The following NUP98 variants were observed in gnomAD, a reference collection of about 807,000 sequenced individuals.
NUP98 encodes nucleoporin 98 and 96 precursor, also known as nuclear pore complex protein Nup98-Nup96.
Under a neutral mutation model 191.9 loss-of-function variants are expected in NUP98, and 26 were observed. That is an observed-to-expected ratio of 0.14 (90% CI 0.10 to 0.19). The LOEUF is 0.19. Ranked by LOEUF, NUP98 falls within the 10% of genes least tolerant of loss-of-function variation. The pLI is 1.00. For synonymous variants in NUP98, 808 were observed against 778.4 expected (o/e 1.04, Z -0.63); for missense variants, 1,941 against 2,178.8 (o/e 0.89, Z 2.17).
Position 3,779,181 on chromosome 11 carries a change from G to A in NUP98, c.153C>T (p.Leu51=), listed in dbSNP as rs759119768. Residue 51 remains leucine, a synonymous_variant, in exon 3 of 33, where the codon CTC becomes CTT. Transcript: ENST00000324932. ...CTGGTTTAGTCTGTGAATTTCCAAA[G>A]AGGCCTCCAGTATTGTTGCTAGAAC... The part of the protein sequence containing the change: ...AFGSSNNTGG[L]FGNSQTKPGG... 4 of 1,614,034 alleles carry A rather than the reference G, an allele frequency of 2.5e-6. No individual in the cohort carries two copies. The Admixed American group carries it at 5.0e-5, about 20-fold the overall frequency.
chr11:3,755,513 A>G (rs1161708978), intron 10 of NUP98, among the ~76,000 whole-genome samples: 1 of 152,112 alleles, frequency 6.6e-6, no homozygotes, highest in Non-Finnish European at 1.5e-5. Flanking sequence ...AAAAGATAAC[A>G]AACAGAATAA....
rs756674148 is a variant in NUP98 at position 3,723,295 on chromosome 11, TATC to T, written c.2005_2007del (p.Asp669del). On this transcript the variant is annotated inframe_deletion, in exon 16 of 33. Coordinates refer to ENST00000324932, the MANE Select transcript of NUP98 (RefSeq NM_016320.5). ...GCACGCATGTTTAATGCAACAATGG[TATC>T]ATCCACACTGTTGCTGTTGCTGTGT... 1 of 1,614,174 alleles carries T rather than the reference TATC, an allele frequency of 6.2e-7. No homozygotes were observed. The highest frequency in any genetic ancestry group is 1.1e-5 in the South Asian group (1 of 91,074).
At chr11:3,698,946 C>T (rs2078595910) in intron 25 of NUP98, 136 bp downstream of exon 25, 1 of 935,400 alleles carries the variant, frequency 1.1e-6, no homozygotes, top group Admixed American at 2.3e-5. Context: ...CGGGAACCAG[C>T]AATCTTTCTG....
chr11:3,687,959 G>A (rs2078179082), intron 28 of NUP98, among the ~76,000 whole-genome samples: 1 of 152,164 alleles, frequency 6.6e-6, no homozygotes, highest in Non-Finnish European at 1.5e-5. Context: ...ACATGACAAA[G>A]TGCTCAACAT....
chr11:3,719,522 A>G lies in NUP98; in HGVS notation c.2289T>C (p.Asp763=). ...CCAAATTTAGATTTGTCAAATTCAC[A>G]TCTCCTTCAAAATAGATTGAACCAT... The part of the protein sequence containing the change: ...KGYGSIYFEG[D]VNLTNLNLDD... The change falls in exon 18 of 33, where the codon GAT becomes GAC. Residue 763 remains aspartate, a synonymous_variant. Transcript: ENST00000324932. 6.3e-7 allele frequency: 1 copy of G among 1,590,466 alleles called. No homozygotes were observed. Among genetic ancestry groups the G allele is most frequent in the Admixed American group, 1.8e-5 (1 of 54,360 alleles).
In NUP98 at chr11:3,712,609, C is replaced by T. The variant is rs201225431; in HGVS notation, c.2697G>A (p.Thr899=). The part of the protein sequence containing the change: ...TAPLPPASQT[T]PLQMALNGKP... Reference sequence around the variant, plus strand: ...TGCCATTAAGAGCCATCTGCAAGGGCGTAGTCTGGCTTGCAGGAGGCAAAG... The same window carrying T: ...TGCCATTAAGAGCCATCTGCAAGGGTGTAGTCTGGCTTGCAGGAGGCAAAG... The change falls in exon 20 of 33, where the codon ACG becomes ACA. Residue 899 remains threonine (T), a synonymous_variant. Transcript: ENST00000324932. The T allele has an allele frequency of 9.0e-5, 145 of 1,614,050 alleles. 2 individuals are homozygous for T. In the East Asian group the frequency reaches 1.5e-3, roughly 17 times the overall value.
At chr11:3,766,430 C>A (rs2081342009) in intron 8 of NUP98, among the ~76,000 whole-genome samples, 1 of 151,962 alleles carries the variant, frequency 6.6e-6, no homozygotes, top group South Asian at 2.1e-4. Context: ...TGGCTCATGC[C>A]TGTAAACCCA....
At chr11:3,778,733 A>G (rs745927402) in intron 4 of NUP98, 140 bp downstream of exon 4, 17 of 764,368 alleles carry the variant, frequency 2.2e-5, no homozygotes, top group Non-Finnish European at 3.7e-5. Context: ...TTCAGTACAT[A>G]TTGAAGTTTT....
chr11:3,719,159 A>C (rs1003035141), intron 18 of NUP98, among the ~76,000 whole-genome samples: 1 of 152,074 alleles, frequency 6.6e-6, no homozygotes, highest in African/African-American at 2.4e-5. Flanking sequence ...AAATGAAATG[A>C]AATAAAATAG....
Position 3,779,231 on chromosome 11 carries a change from C to G in NUP98, c.103G>C (p.Gly35Arg), listed in dbSNP as rs1278445831. The G allele has an allele frequency of 1.9e-6, 3 of 1,614,004 alleles. No individual in the cohort carries two copies. Among genetic ancestry groups the G allele is most frequent in the Non-Finnish European group, 2.5e-6 (3 of 1,180,002 alleles). ...CCAAATGCAGATGTTCCAAATGCCCCTCCACTAGTAGTGCCAAAGCCAGTA... is the reference window on the plus strand; with the variant it reads ...CCAAATGCAGATGTTCCAAATGCCCGTCCACTAGTAGTGCCAAAGCCAGTA... The part of the protein sequence containing the change: ...QNTGFGTTSG[G>R]AFGTSAFGSS... The change falls in exon 3 of 33, where the codon GGG becomes CGG. Residue 35 changes from glycine (G) to arginine (R), a missense_variant. Gly to Arg is a moderately radical substitution (Grantham distance 125). Transcript: ENST00000324932.
At chr11:3,771,663 G>T in intron 7 of NUP98, 85 bp downstream of exon 7, 1 of 1,179,302 alleles carries the variant, frequency 8.5e-7, no homozygotes, top group Non-Finnish European at 1.2e-6. Flanking sequence ...TTTCTCCATA[G>T]CACTTATCCC....
chr11:3,786,265 C>T (rs2082137646), intron 1 of NUP98, among the ~76,000 whole-genome samples: 2 of 152,154 alleles, frequency 1.3e-5, no homozygotes, highest in South Asian at 2.1e-4. Context: ...ACAAAACCAA[C>T]AATTGGTACT....
At chr11:3,702,353 TCTCTCTCTCTCTCTCTAG>T (rs2078729868) in intron 23 of NUP98, 92 bp downstream of exon 23, 1 of 652,362 alleles carries the variant, frequency 1.5e-6, no homozygotes, top group African/African-American at 2.4e-5. Flanking sequence ...TCTCTCTCTC[TCTCTCTCTCTCTCTCTAG>T]AAAGATGACA....
In NUP98 at chr11:3,768,758, GAAAAA is replaced by G; in HGVS notation, c.785-19_785-15del. 7.5e-6 allele frequency: 6 copies of G among 800,494 alleles called. No individual in the cohort carries two copies. The highest frequency in any genetic ancestry group is 9.3e-6 in the Non-Finnish European group (6 of 645,986). The allele number at this position is 800,494 out of a possible 1,614,324, so 49.6% of individuals were successfully genotyped here. Reference sequence around the variant, plus strand: ...ATCCAGTTGTACCTTTTAGGAAAAAGAAAAAAAAAAGAAAAAAGAAATAATAAAAA... The same window carrying G: ...ATCCAGTTGTACCTTTTAGGAAAAAGAAAAAGAAAAAAGAAATAATAAAAA... On this transcript the variant is annotated splice_polypyrimidine_tract_variant and intron_variant, in intron 7 of 32. Transcript: ENST00000324932.
chr11:3,713,666 C>T (rs375996010), intron 19 of NUP98, 152 bp downstream of exon 19: 34 of 712,736 alleles, frequency 4.8e-5, no homozygotes, highest in South Asian at 4.0e-4. Context: ...CTGCAGGGAG[C>T]TATGATCCCA....
intron 1 of NUP98, 107 bp from the exon 2 acceptor site, chr11:3,782,252 T>C (rs2081993548): frequency 8.9e-6 from 5 of 560,348 alleles, no homozygotes; most frequent in Non-Finnish European, 1.6e-5. Context: ...AACTATAGTA[T>C]ATACTCTCAT....
intron 10 of NUP98, among the ~76,000 whole-genome samples, chr11:3,755,212 T>C (rs557313518): frequency 3.5e-4 from 53 of 151,824 alleles, no homozygotes; most frequent in South Asian, 8.3e-4. Context: ...TCCCAACACA[T>C]TGGGAGGCAG....
At chr11:3,785,178 C>A (rs1274879650) in intron 1 of NUP98, among the ~76,000 whole-genome samples, 2 of 151,066 alleles carry the variant, frequency 1.3e-5, no homozygotes, top group African/African-American at 2.4e-5. Flanking sequence ...ACAGTTATGG[C>A]AAAAACAAAC....
chr11:3,699,763 C>T (rs895513517), intron 24 of NUP98, among the ~76,000 whole-genome samples: 3 of 152,194 alleles, frequency 2.0e-5, no homozygotes, highest in East Asian at 3.9e-4. Context: ...GACAATGAGA[C>T]GATTAAGTAA....
Sources: gnomAD v4.1 joint callset for allele counts (sites outside exome capture counted in the v4.1 genomes callset) on GRCh38, gnomAD v4.1.1 for gene constraint, MANE v1.5 for transcripts, NCBI Gene and HGNC (gene_info 2026-07-23, HGNC 2026-07-21) for gene names.